The following KIAA1328 variants were observed in gnomAD, a reference collection of about 807,000 sequenced individuals.
KIAA1328 encodes protein hinderin.
In KIAA1328, 52 loss-of-function variants were observed where a neutral mutation model predicts 68.1. That is an observed-to-expected ratio of 0.76 (90% CI 0.61 to 0.96). The LOEUF is 0.96. KIAA1328 is among the 40% of genes least tolerant of loss of function. The probability of loss-of-function intolerance (pLI) is 0.00; values close to 1 mark genes in which losing one functional copy is unlikely to be tolerated. For synonymous variants in KIAA1328, 232 were observed against 239.4 expected (o/e 0.97, Z 0.28); for missense variants, 641 against 677.6 (o/e 0.95, Z 0.60).
intron 7 of KIAA1328, among the ~76,000 whole-genome samples, chr18:37,094,450 A>C (rs1818850565): frequency 6.6e-6 from 1 of 152,166 alleles, no homozygotes; most frequent in African/African-American, 2.4e-5. Context: ...GACAGCCAAT[A>C]ACTGAGGGAA....
intron 7 of KIAA1328, among the ~76,000 whole-genome samples, chr18:37,070,872 A>G (rs999113853): frequency 6.6e-6 from 1 of 151,946 alleles, no homozygotes; most frequent in African/African-American, 2.4e-5. Context: ...ATGCTAATAT[A>G]GCCATTCTTA....
At chr18:37,133,397 G>A (rs919799198) in intron 7 of KIAA1328, among the ~76,000 whole-genome samples, 1 of 151,980 alleles carries the variant, frequency 6.6e-6, no homozygotes, top group Non-Finnish European at 1.5e-5. Context: ...GACTGCACTG[G>A]AATAGTAGAG....
intron 6 of KIAA1328, among the ~76,000 whole-genome samples, chr18:37,018,184 T>A (rs2039422186): frequency 6.6e-6 from 1 of 152,164 alleles, no homozygotes; most frequent in South Asian, 2.1e-4. Context: ...TGCTTGCTTG[T>A]CTGGAAAAGA....
chr18:37,109,499 T>C (rs1355363440), intron 7 of KIAA1328, among the ~76,000 whole-genome samples: 2 of 152,216 alleles, frequency 1.3e-5, no homozygotes, highest in African/African-American at 4.8e-5. Flanking sequence ...TGGGATATTT[T>C]CTCAAATGGC....
intron 4 of KIAA1328, among the ~76,000 whole-genome samples, chr18:36,879,615 G>A (rs914989537): frequency 1.3e-5 from 2 of 152,202 alleles, no homozygotes; most frequent in Admixed American, 1.3e-4. Flanking sequence ...TAAGTCTGCT[G>A]AAGTTGCGCC....
intron 6 of KIAA1328, among the ~76,000 whole-genome samples, chr18:37,063,214 C>G (rs1227056237): frequency 6.6e-6 from 1 of 152,138 alleles, no homozygotes; most frequent in Non-Finnish European, 1.5e-5. Context: ...CATTTACTTA[C>G]TAGCTGTTGG....
intron 6 of KIAA1328, among the ~76,000 whole-genome samples, chr18:37,064,269 A>T (rs1446589568): frequency 6.6e-6 from 1 of 152,158 alleles, no homozygotes; most frequent in African/African-American, 2.4e-5. Flanking sequence ...CAGTCATTCA[A>T]TTAAAATCTT....
chr18:37,092,913 C>T (rs537057945), intron 7 of KIAA1328, among the ~76,000 whole-genome samples: 1 of 152,332 alleles, frequency 6.6e-6, no homozygotes, highest in East Asian at 1.9e-4. Context: ...CTGCCACTCT[C>T]AGTGCCTGAA....
chr18:36,861,964 T>A (rs2047577809), intron 4 of KIAA1328, among the ~76,000 whole-genome samples: 1 of 152,132 alleles, frequency 6.6e-6, no homozygotes, highest in Non-Finnish European at 1.5e-5. Flanking sequence ...AGTCACTGTG[T>A]CCAGTCCCAT....
intron 5 of KIAA1328, among the ~76,000 whole-genome samples, chr18:36,910,559 G>A (rs1385166609): frequency 2.0e-5 from 3 of 152,140 alleles, no homozygotes; most frequent in Admixed American, 6.5e-5. Context: ...GTAGCGTGAT[G>A]CCTCCAGCTT....
chr18:37,128,994 G>C (rs1027549135), intron 7 of KIAA1328, among the ~76,000 whole-genome samples: 2 of 152,156 alleles, frequency 1.3e-5, no homozygotes, highest in Non-Finnish European at 2.9e-5. Flanking sequence ...TGCTTGCTAG[G>C]AGCTGGGGAT....
At chr18:37,226,265 G>T (rs1329588871), downstream of KIAA1328, among the ~76,000 whole-genome samples, 1 of 150,072 alleles carries the variant, frequency 6.7e-6, no homozygotes, top group Non-Finnish European at 1.5e-5. Flanking sequence ...AATCAGCAAC[G>T]AAAGCCCTTT....
chr18:36,966,050 CAAAG>C (rs997933219), intron 6 of KIAA1328, among the ~76,000 whole-genome samples: 5 of 151,838 alleles, frequency 3.3e-5, no homozygotes, highest in African/African-American at 1.2e-4. Context: ...AGCAAACAAA[CAAAG>C]AAAGAACAAG....
intron 9 of KIAA1328, among the ~76,000 whole-genome samples, chr18:37,211,459 A>G (rs1158795791): frequency 1.3e-5 from 2 of 152,184 alleles, no homozygotes; most frequent in Non-Finnish European, 2.9e-5. Flanking sequence ...CCAGTCAGAT[A>G]TAAGGAATAT....
chr18:37,229,699 C>A, downstream of KIAA1328: 1 of 387,940 alleles, frequency 2.6e-6, no homozygotes, highest in Non-Finnish European at 4.6e-6. Flanking sequence ...ACGGTGAAAC[C>A]CCATCTCTGT....
At chr18:37,038,414 T>G (rs2055115161) in intron 6 of KIAA1328, among the ~76,000 whole-genome samples, 1 of 152,180 alleles carries the variant, frequency 6.6e-6, no homozygotes, top group South Asian at 2.1e-4. Context: ...TAAATTTTAT[T>G]CATTTTGATG....
intron 7 of KIAA1328, among the ~76,000 whole-genome samples, chr18:37,143,665 A>T (rs112409482): frequency 1.3e-5 from 2 of 151,764 alleles, no homozygotes; most frequent in Non-Finnish European, 2.9e-5. Flanking sequence ...AATGTTAAAT[A>T]CAAGTTTTTG....
chr18:37,202,142 T>TC (rs905459012), intron 9 of KIAA1328, among the ~76,000 whole-genome samples: 2 of 152,014 alleles, frequency 1.3e-5, no homozygotes, highest in African/African-American at 4.8e-5. Context: ...TGCTTCCATT[T>TC]TTTTTTAACA....
At chr18:37,106,552 G>A (rs1421573140) in intron 7 of KIAA1328, among the ~76,000 whole-genome samples, 1 of 151,832 alleles carries the variant, frequency 6.6e-6, no homozygotes, top group African/African-American at 2.4e-5. Flanking sequence ...CCGAATAGCT[G>A]GAACTACAGG....
Sources: gnomAD v4.1 joint callset for allele counts (sites outside exome capture counted in the v4.1 genomes callset) on GRCh38, gnomAD v4.1.1 for gene constraint, MANE v1.5 for transcripts, NCBI Gene and HGNC (gene_info 2026-07-23, HGNC 2026-07-21) for gene names.